CCDC158: variants seen among roughly 807,000 people sequenced by gnomAD.
The protein encoded by CCDC158 is coiled-coil domain containing 158.
Under a neutral mutation model 138.6 loss-of-function variants are expected in CCDC158, and 116 were observed. That is an observed-to-expected ratio of 0.84 (90% CI 0.72 to 0.98). The LOEUF (loss-of-function observed/expected upper bound fraction) is 0.98. Among genes scored for constraint, CCDC158 ranks in the 50% least tolerant of loss-of-function variants. CCDC158 has a pLI of 0.00. For missense variants in CCDC158, 1,265 were observed against 1,306.1 expected (o/e 0.97, Z 0.48); for synonymous variants, 436 against 442.4 (o/e 0.99, Z 0.18).
chr4:76,406,774 T>C (rs1217398590), intron 2 of CCDC158, among the ~76,000 whole-genome samples: 1 of 152,084 alleles, frequency 6.6e-6, no homozygotes, highest in Non-Finnish European at 1.5e-5. Flanking sequence ...AAATAATTTC[T>C]GAAAAATAAT....
At chr4:76,369,733 A>C (rs1316958395) in intron 10 of CCDC158, 110 bp from the exon 11 acceptor site, 2 of 898,084 alleles carry the variant, frequency 2.2e-6, no homozygotes, top group East Asian at 5.3e-5. Context: ...GACACCTTTG[A>C]TTTTGGAATC....
At chr4:76,410,518 T>C (rs1197712674) in intron 2 of CCDC158, among the ~76,000 whole-genome samples, 4 of 152,142 alleles carry the variant, frequency 2.6e-5, no homozygotes, top group African/African-American at 4.8e-5. Flanking sequence ...AGATGACTTA[T>C]GATGTATGTT....
chr4:76,418,841 G>A (rs1173653199), intron 1 of CCDC158, among the ~76,000 whole-genome samples: 1 of 152,186 alleles, frequency 6.6e-6, no homozygotes, highest in Non-Finnish European at 1.5e-5. Context: ...AGTGGGAAGT[G>A]TAAATTAGCT....
chr4:76,327,865 T>C (rs1250989639), intron 22 of CCDC158, among the ~76,000 whole-genome samples: 8 of 152,210 alleles, frequency 5.3e-5, no homozygotes, highest in South Asian at 2.1e-4. Flanking sequence ...TTCTTTCTCA[T>C]TTATTTTGTT....
intron 4 of CCDC158, among the ~76,000 whole-genome samples, chr4:76,390,927 G>A (rs998877166): frequency 3.3e-5 from 5 of 151,916 alleles, no homozygotes; most frequent in African/African-American, 1.2e-4. Context: ...TCAGTAAGAG[G>A]ATGTAACAAT....
intron 1 of CCDC158, among the ~76,000 whole-genome samples, chr4:76,417,258 C>T (rs371499932): frequency 6.6e-6 from 1 of 152,164 alleles, no homozygotes; most frequent in Non-Finnish European, 1.5e-5. Flanking sequence ...GCTATATGTA[C>T]CCAATACCTG....
intron 23 of CCDC158, among the ~76,000 whole-genome samples, chr4:76,325,110 A>G (rs1419421796): frequency 6.6e-6 from 1 of 152,240 alleles, no homozygotes; most frequent in Non-Finnish European, 1.5e-5. Flanking sequence ...TTAGAAACAT[A>G]AGAGATGAAA....
At chr4:76,417,342 C>A (rs1183811324) in intron 1 of CCDC158, among the ~76,000 whole-genome samples, 1 of 152,064 alleles carries the variant, frequency 6.6e-6, no homozygotes, top group Non-Finnish European at 1.5e-5. Context: ...GGACTTGGCT[C>A]GTCTCAGATG....
chr4:76,340,317 C>T (rs1264513279), intron 18 of CCDC158, among the ~76,000 whole-genome samples: 6 of 152,316 alleles, frequency 3.9e-5, no homozygotes, highest in Non-Finnish European at 8.8e-5. Context: ...AGAGTTTAAG[C>T]ATTACTTCCC....
intron 18 of CCDC158, among the ~76,000 whole-genome samples, chr4:76,340,628 C>T (rs1721960664): frequency 6.6e-6 from 1 of 152,092 alleles, no homozygotes; most frequent in South Asian, 2.1e-4. Flanking sequence ...AGGGAGTAGA[C>T]TGGACATAAG....
intron 24 of CCDC158, among the ~76,000 whole-genome samples, chr4:76,315,920 G>A (rs1251494802): frequency 1.3e-5 from 2 of 152,202 alleles, no homozygotes; most frequent in Non-Finnish European, 2.9e-5. Context: ...GGGGGAGGGG[G>A]AGGACACCAC....
chr4:76,412,619 G>C (rs1457024701), intron 1 of CCDC158, among the ~76,000 whole-genome samples: 3 of 152,180 alleles, frequency 2.0e-5, no homozygotes, highest in Non-Finnish European at 4.4e-5. Flanking sequence ...GGCCATGGTG[G>C]CATGTGCCTG....
chr4:76,361,630 A>G (rs531243982), intron 13 of CCDC158, among the ~76,000 whole-genome samples: 151 of 152,354 alleles, frequency 9.9e-4, no homozygotes, highest in African/African-American at 3.3e-3. Flanking sequence ...GAAGGGACTA[A>G]TACACATACC....
chr4:76,321,545 G>C (rs868221222), intron 24 of CCDC158, among the ~76,000 whole-genome samples: 1 of 148,454 alleles, frequency 6.7e-6, no homozygotes, highest in Non-Finnish European at 1.5e-5. Flanking sequence ...AAATTATATC[G>C]ATCTATCTAT....
intron 3 of CCDC158, among the ~76,000 whole-genome samples, chr4:76,401,035 G>T (rs1728327076): frequency 1.3e-5 from 2 of 152,126 alleles, no homozygotes; most frequent in South Asian, 2.1e-4. Flanking sequence ...AAACCCAGCG[G>T]TGCCTGAGCT....
intron 13 of CCDC158, among the ~76,000 whole-genome samples, chr4:76,358,131 C>T (rs1723767162): frequency 1.3e-5 from 2 of 152,180 alleles, no homozygotes; most frequent in Admixed American, 1.3e-4. Context: ...AACCAACTGC[C>T]TCACAGTGCC....
chr4:76,366,427 AT>A lies in CCDC158; in HGVS notation c.1830+866del, dbSNP rs1261885697. Among the ~76,000 whole-genome samples, 7 of 152,216 alleles carry A rather than the reference AT, an allele frequency of 4.6e-5. No homozygotes were observed. In the East Asian group the frequency reaches 1.2e-3, roughly 25 times the overall value. ...TCTCCTACTACTCACCAAGTCAGAG[AT>A]AAAGGTGACATTAATCCTATGAAAT... On this transcript the variant is annotated intron_variant, in intron 12 of 24. Transcript: ENST00000682701.
At chr4:76,367,224 T>G (rs1724760278) in intron 12 of CCDC158, 70 bp downstream of exon 12, 8 of 1,516,132 alleles carry the variant, frequency 5.3e-6, no homozygotes, top group Non-Finnish European at 7.1e-6. Flanking sequence ...CAAGAACCAC[T>G]TTTCAGTACA....
intron 18 of CCDC158, among the ~76,000 whole-genome samples, chr4:76,343,043 T>A (rs1258076845): frequency 6.6e-6 from 1 of 152,200 alleles, no homozygotes; most frequent in African/African-American, 2.4e-5. Context: ...TGGGTAAGGT[T>A]GAACCAAAGG....
Sources: gnomAD v4.1 joint callset for allele counts (sites outside exome capture counted in the v4.1 genomes callset) on GRCh38, gnomAD v4.1.1 for gene constraint, MANE v1.5 for transcripts, NCBI Gene and HGNC (gene_info 2026-07-23, HGNC 2026-07-21) for gene names.